Variants in SERINC5 observed in about 807,000 individuals in gnomAD.
SERINC5 encodes chromosome 5 open reading frame 12.
A neutral mutation model predicts 63.1 loss-of-function variants in SERINC5; 41 were observed. The ratio of observed to expected loss-of-function variants is 0.65; its 90% CI spans 0.51 to 0.84. SERINC5 has a LOEUF of 0.84. Among genes scored for constraint, SERINC5 ranks in the 40% least tolerant of loss-of-function variants. The pLI is 0.00. For missense variants in SERINC5, 523 were observed against 573.0 expected, an observed-to-expected ratio of 0.91 and a Z score of 0.89; for synonymous variants, 222 against 215.2, an observed-to-expected ratio of 1.03 and a Z score of -0.28.
chr5:80,133,507 C>T lies in SERINC5; in HGVS notation c.1238+12583G>A, dbSNP rs413411. Among the ~76,000 whole-genome samples, 4 of 152,168 alleles carry T rather than the reference C, an allele frequency of 2.6e-5. No homozygotes were observed. The East Asian group carries it at 7.7e-4, about 29-fold the overall frequency. ...CCAAGTGGCTTGTAATAGTTGATAA[C>T]GTACAGAAAGAGATAAACTAAAGAG... On this transcript the variant is annotated intron_variant, in intron 11 of 12. Transcript: ENST00000509193.
chr5:80,188,883 G>A (rs114067179), intron 2 of SERINC5, among the ~76,000 whole-genome samples: 3,100 of 152,074 alleles, frequency 0.02, 103 homozygotes, highest in African/African-American at 0.07. Flanking sequence ...AGCCATGATC[G>A]CGCCACTGCA....
chr5:80,235,374 C>T (rs578090002), intron 1 of SERINC5, among the ~76,000 whole-genome samples: 1 of 152,218 alleles, frequency 6.6e-6, no homozygotes, highest in Admixed American at 6.5e-5. Context: ...TCAAATTAGT[C>T]TTCATTATCA....
At position 80,150,938 on chromosome 5, in the gene SERINC5, T is replaced by G; in HGVS notation, c.997A>C (p.Thr333Pro). 1 of 1,613,254 alleles carries G rather than the reference T, an allele frequency of 6.2e-7. No individual in the cohort carries two copies. Among genetic ancestry groups the G allele is most frequent in the Non-Finnish European group, 8.5e-7 (1 of 1,179,174 alleles). The change falls in exon 9 of 12, where the codon ACA (threonine) becomes CCA (proline). Residue 333 changes from threonine to proline, a missense_variant. Transcript: ENST00000507668. ...GCILYSCLTSTTRSSSDALQG... is the reference protein window; with the variant it reads ...GCILYSCLTSPTRSSSDALQG... Reference sequence around the variant, plus strand: ...AGAGCGTCAGAACTCGATCTTGTTGTTGATGTCAAACTAAGAAACAGACAA... The same window carrying G: ...AGAGCGTCAGAACTCGATCTTGTTGGTGATGTCAAACTAAGAAACAGACAA...
rs1746722888 is a variant in SERINC5, at chr5:80,159,087, A to C, written c.860-125T>G. 4.5e-6 allele frequency: 4 copies of C among 891,390 alleles called. No homozygotes were observed. The East Asian group carries it at 9.7e-5, about 22-fold the overall frequency. The allele number at this position is 891,390 out of a possible 1,614,324, so 55.2% of individuals were successfully genotyped here. A position where few individuals can be genotyped will look rare whatever the true frequency, so the allele number is the denominator to read the frequency against. On this transcript the variant is annotated intron_variant, in intron 7 of 11. Coordinates refer to ENST00000507668, the MANE Select transcript of SERINC5 (RefSeq NM_001174072.3). ...CTCCTTAGAACAGTGAACACTTATC[A>C]CTGGAAACTTCTACTCTACAGGCTG...
At chr5:80,144,351 T>C (rs1246251096) in intron 11 of SERINC5, among the ~76,000 whole-genome samples, 1 of 152,234 alleles carries the variant, frequency 6.6e-6, no homozygotes, top group East Asian at 1.9e-4. Flanking sequence ...GTTTTCTTTT[T>C]GTCTTAGGTA....
At chr5:80,232,221 C>A (rs188011733) in intron 1 of SERINC5, among the ~76,000 whole-genome samples, 8 of 143,544 alleles carry the variant, frequency 5.6e-5, no homozygotes, top group South Asian at 2.2e-4. Context: ...TGGCTAACAC[C>A]GTAAAACCCT....
intron 11 of SERINC5, among the ~76,000 whole-genome samples, chr5:80,115,303 C>T (rs2112220733): frequency 6.6e-6 from 1 of 152,152 alleles, no homozygotes; most frequent in South Asian, 2.1e-4. Context: ...CCAAGCCTTG[C>T]TCAAAACCCA....
intron 7 of SERINC5, among the ~76,000 whole-genome samples, chr5:80,163,546 G>GTT (rs796186802): frequency 2.2e-4 from 31 of 143,618 alleles, no homozygotes; most frequent in African/African-American, 7.3e-4. Flanking sequence ...TTTATTGAGG[G>GTT]TTTTTTTTTT....
intron 1 of SERINC5, among the ~76,000 whole-genome samples, chr5:80,209,554 T>C (rs1750334246): frequency 6.6e-6 from 1 of 152,190 alleles, no homozygotes; most frequent in African/African-American, 2.4e-5. Context: ...CAGTACGCCC[T>C]GCTATTTCAT....
At chr5:80,225,784 C>A (rs1751140732) in intron 1 of SERINC5, among the ~76,000 whole-genome samples, 1 of 152,128 alleles carries the variant, frequency 6.6e-6, no homozygotes, top group African/African-American at 2.4e-5. Flanking sequence ...AAAGACGGAA[C>A]AAAGCCCCAC....
chr5:80,147,161 G>A, intron 10 of SERINC5, 84 bp downstream of exon 10: 1 of 1,251,810 alleles, frequency 8.0e-7, no homozygotes, highest in South Asian at 1.3e-5. Context: ...CAAGTTATTT[G>A]TGTCTGAATC....
intron 1 of SERINC5, among the ~76,000 whole-genome samples, chr5:80,250,882 T>A (rs1752378974): frequency 6.6e-6 from 1 of 152,164 alleles, no homozygotes; most frequent in Non-Finnish European, 1.5e-5. Context: ...TCCCTTATGC[T>A]CACTTTAAAA....
intron 1 of SERINC5, 91 bp downstream of exon 1, chr5:80,255,805 T>A: frequency 7.3e-7 from 1 of 1,373,988 alleles, no homozygotes; most frequent in Non-Finnish European, 1.0e-6. Flanking sequence ...GCCGCGGAGC[T>A]GGGAGCGCAC....
intron 2 of SERINC5, among the ~76,000 whole-genome samples, chr5:80,198,275 A>C (rs1749628805): frequency 6.6e-6 from 1 of 152,184 alleles, no homozygotes; most frequent in Non-Finnish European, 1.5e-5. Flanking sequence ...CCAAGAGAAG[A>C]CAGAATCATG....
At chr5:80,226,122 G>C (rs1399019788) in intron 1 of SERINC5, among the ~76,000 whole-genome samples, 1 of 151,668 alleles carries the variant, frequency 6.6e-6, no homozygotes, top group African/African-American at 2.4e-5. Flanking sequence ...GCGGTAGCAC[G>C]ATCTCAGCTC....
intron 2 of SERINC5, among the ~76,000 whole-genome samples, chr5:80,193,351 C>A (rs1749315037): frequency 6.6e-6 from 1 of 152,212 alleles, no homozygotes; most frequent in Non-Finnish European, 1.5e-5. Context: ...TGACAATGCT[C>A]ATTTCCAAAG....
chr5:80,227,535 T>A (rs2087546634), intron 1 of SERINC5, among the ~76,000 whole-genome samples: 1 of 149,910 alleles, frequency 6.7e-6, no homozygotes, highest in African/African-American at 2.5e-5. Context: ...CCCAGGCGGG[T>A]GGATCACTTG....
At chr5:80,137,230 T>C (rs1745238622), downstream of SERINC5, among the ~76,000 whole-genome samples, 3 of 149,020 alleles carry the variant, frequency 2.0e-5, no homozygotes, top group Admixed American at 2.0e-4. Flanking sequence ...CTAATGGGTA[T>C]ATACCCAAAG....
intron 1 of SERINC5, among the ~76,000 whole-genome samples, chr5:80,216,717 A>G (rs1750683508): frequency 1.3e-5 from 2 of 150,246 alleles, no homozygotes; most frequent in African/African-American, 4.9e-5. Flanking sequence ...ATTTTTTTTT[A>G]ATTAGTTTTA....
Sources: gnomAD v4.1 joint callset for allele counts (sites outside exome capture counted in the v4.1 genomes callset) on GRCh38, gnomAD v4.1.1 for gene constraint, MANE v1.5 for transcripts, NCBI Gene and HGNC (gene_info 2026-07-23, HGNC 2026-07-21) for gene names.